DCDC2C: variants seen among roughly 807,000 people sequenced by gnomAD.
DCDC2C encodes doublecortin domain-containing protein 2C.
DCDC2C carries 44 observed loss-of-function variants against 45.0 expected under a neutral mutation model. That is an observed-to-expected ratio of 0.98 (90% CI 0.77 to 1.26). DCDC2C has a LOEUF of 1.26. Among genes scored for constraint, DCDC2C ranks in the 50% most tolerant of loss-of-function variants. The pLI is 0.00. For missense variants in DCDC2C, 447 were observed against 468.9 expected, an observed-to-expected ratio of 0.95 and a Z score of 0.43; for synonymous variants, 187 against 178.8, an observed-to-expected ratio of 1.05 and a Z score of -0.37.
intron 10 of DCDC2C, among the ~76,000 whole-genome samples, chr2:3,807,326 A>T (rs1671275708): frequency 6.6e-6 from 1 of 152,112 alleles, no homozygotes; most frequent in South Asian, 2.1e-4. Context: ...TGGCAGCTGC[A>T]GCAGGGGTGG....
At chr2:3,746,502 C>T (rs1026575044) in intron 4 of DCDC2C, among the ~76,000 whole-genome samples, 7 of 152,244 alleles carry the variant, frequency 4.6e-5, no homozygotes, top group Admixed American at 1.3e-4. Flanking sequence ...TTTTCCATGC[C>T]GCCTGCTGGA....
intron 2 of DCDC2C, among the ~76,000 whole-genome samples, chr2:3,712,477 C>A (rs1391281452): frequency 2.9e-5 from 4 of 138,600 alleles, no homozygotes; most frequent in African/African-American, 8.5e-5. Context: ...ACCAGCAAGA[C>A]CCTATCTCTA....
chr2:3,731,335 C>A (rs1011791844), intron 3 of DCDC2C, among the ~76,000 whole-genome samples: 1 of 152,164 alleles, frequency 6.6e-6, no homozygotes, highest in African/African-American at 2.4e-5. Context: ...GTCTCCTTTG[C>A]GAAGTTTGTC....
chr2:3,716,355 C>A (rs574148468), intron 2 of DCDC2C, among the ~76,000 whole-genome samples: 3 of 152,198 alleles, frequency 2.0e-5, no homozygotes, highest in African/African-American at 7.2e-5. Flanking sequence ...GTGTCAAACG[C>A]TGCTGACCAG....
At chr2:3,780,357 A>G (rs552765551) in intron 9 of DCDC2C, among the ~76,000 whole-genome samples, 1 of 152,314 alleles carries the variant, frequency 6.6e-6, no homozygotes, top group African/African-American at 2.4e-5. Context: ...CCTTGTGCAC[A>G]CTGGCGGTTG....
At chr2:3,804,724 T>C (rs1268854873) in intron 10 of DCDC2C, among the ~76,000 whole-genome samples, 2 of 152,212 alleles carry the variant, frequency 1.3e-5, no homozygotes, top group Non-Finnish European at 1.5e-5. Context: ...ATAACAGACA[T>C]GGTCTTCACA....
intron 10 of DCDC2C, among the ~76,000 whole-genome samples, chr2:3,834,956 G>A (rs1027551187): frequency 2.6e-5 from 4 of 152,176 alleles, no homozygotes; most frequent in Non-Finnish European, 5.9e-5. Context: ...GTAGGTATTA[G>A]TTTTCTAAAT....
intron 1 of DCDC2C, among the ~76,000 whole-genome samples, chr2:3,704,813 T>A (rs1668020708): frequency 6.6e-6 from 1 of 151,268 alleles, no homozygotes; most frequent in Non-Finnish European, 1.5e-5. Flanking sequence ...CCTCTCACTC[T>A]GTGTCCATCA....
intron 4 of DCDC2C, among the ~76,000 whole-genome samples, chr2:3,745,507 CA>C (rs1446586934): frequency 6.6e-6 from 1 of 151,992 alleles, no homozygotes; most frequent in Non-Finnish European, 1.5e-5. Flanking sequence ...TTAGAAAGTA[CA>C]AATACTGAGC....
chr2:3,747,132 C>T (rs979834978), intron 4 of DCDC2C, among the ~76,000 whole-genome samples: 5 of 152,270 alleles, frequency 3.3e-5, no homozygotes, highest in Middle Eastern at 3.4e-3. Flanking sequence ...AATGCCAGGG[C>T]GGGACACACA....
chr2:3,841,732 G>A (rs951795480), intron 10 of DCDC2C, among the ~76,000 whole-genome samples: 9 of 150,464 alleles, frequency 6.0e-5, no homozygotes, highest in African/African-American at 1.5e-4. Context: ...GTGAGCGGCC[G>A]GGCAGGTCTT....
intron 6 of DCDC2C, among the ~76,000 whole-genome samples, chr2:3,755,141 G>GTGTGTATGTATGGATGCA (rs1410033783): frequency 1.2e-4 from 18 of 152,114 alleles, no homozygotes; most frequent in Non-Finnish European, 1.2e-4. Flanking sequence ...GGAGGCATGT[G>GTGTGTATGTATGGATGCA]TGTGTATGTA....
intron 10 of DCDC2C, among the ~76,000 whole-genome samples, chr2:3,807,396 C>T (rs577849116): frequency 6.6e-5 from 10 of 152,216 alleles, no homozygotes; most frequent in South Asian, 4.2e-4. Flanking sequence ...TGTAAACAGT[C>T]GACTCTTCCT....
At chr2:3,841,866 T>A (rs1310313825) in intron 10 of DCDC2C, among the ~76,000 whole-genome samples, 1 of 152,214 alleles carries the variant, frequency 6.6e-6, no homozygotes, top group Non-Finnish European at 1.5e-5. Context: ...CCCGCTTTTT[T>A]TTTCTGTTTA....
intron 2 of DCDC2C, among the ~76,000 whole-genome samples, chr2:3,713,531 G>A (rs946121782): frequency 1.3e-5 from 2 of 152,194 alleles, no homozygotes; most frequent in African/African-American, 2.4e-5. Context: ...GGCCCTAAAA[G>A]CTCCTGGAGA....
intron 4 of DCDC2C, among the ~76,000 whole-genome samples, chr2:3,747,305 C>T (rs1011071873): frequency 1.3e-5 from 2 of 152,122 alleles, no homozygotes; most frequent in East Asian, 1.9e-4. Flanking sequence ...TATCCACTAG[C>T]GGGTGTTCGG....
In DCDC2C at chr2:3,755,209, G is replaced by C. The variant is rs1223647358; in HGVS notation, c.726+575G>C. ...TGTATGGATGCATATGTGTGCATGG[G>C]TGCATATGATGTGTGCATGATGTGT... On this transcript the variant is annotated intron_variant, in intron 6 of 10. Transcript: ENST00000399143. Among the ~76,000 whole-genome samples the C allele has an allele frequency of 2.0e-5, 3 of 152,036 alleles. No individual in the cohort carries two copies. In the East Asian group the frequency reaches 5.8e-4, roughly 29 times the overall value.
At chr2:3,780,371 T>C (rs1039317370) in intron 9 of DCDC2C, among the ~76,000 whole-genome samples, 3 of 152,204 alleles carry the variant, frequency 2.0e-5, no homozygotes, top group African/African-American at 7.2e-5. Context: ...GCGGTTGAAT[T>C]TGTCATCTGT....
chr2:3,772,736 A>G (rs114400255), intron 8 of DCDC2C, among the ~76,000 whole-genome samples: 111 of 152,338 alleles, frequency 7.3e-4, no homozygotes, highest in African/African-American at 2.6e-3. Flanking sequence ...AAAACAACAC[A>G]TACTTTTAAT....
Sources: allele counts gnomAD v4.1 joint callset (sites outside exome capture counted in the v4.1 genomes callset), GRCh38; gene constraint gnomAD v4.1.1; transcripts MANE v1.5; gene names NCBI Gene and HGNC (gene_info 2026-07-23, HGNC 2026-07-21).